The following DNAH14 variants were observed in gnomAD, a reference collection of about 807,000 sequenced individuals.
The protein encoded by DNAH14 is axonemal beta dynein heavy chain 14.
Under a neutral mutation model 520.9 loss-of-function variants are expected in DNAH14, and 478 were observed. The ratio of observed to expected loss-of-function variants is 0.92; its 90% CI spans 0.85 to 0.99. DNAH14 has a LOEUF of 0.99. Among genes scored for constraint, DNAH14 ranks in the 50% least tolerant of loss-of-function variants. The pLI, the probability that DNAH14 is intolerant of heterozygous loss-of-function variation, is 0.00. For synonymous variants in DNAH14, 1,581 were observed against 1,757.2 expected (o/e 0.90, Z 2.51); for missense variants, 4,831 against 5,234.5 (o/e 0.92, Z 2.38).
chr1:224,974,102 C>A lies in DNAH14; in HGVS notation c.779C>A (p.Ala260Glu). The A allele has an allele frequency of 6.7e-7, 1 of 1,501,210 alleles. No individual in the cohort carries two copies. The highest frequency in any genetic ancestry group is 1.3e-5 in the South Asian group (1 of 75,002). The allele number at this position is 1,501,210 out of a possible 1,614,324, so 93.0% of individuals were successfully genotyped here. The change falls in exon 8 of 86, where the codon GCA becomes GAA. Residue 260 changes from alanine to glutamate, a missense_variant. By Grantham distance (107) the Ala-to-Glu change is moderately radical. Transcript: ENST00000682510. ...KIFSDFRMNK[A>E]FVTWKLNVKR... is the part of the protein sequence containing the mutation. ...ATTTTTCCTTTCAGAATGAATAAAG[C>A]ATTTGTTACCTGGAAATTGAATGTT...
chr1:225,133,453 A>G (rs994375342), intron 27 of DNAH14, among the ~76,000 whole-genome samples: 4 of 151,982 alleles, frequency 2.6e-5, no homozygotes, highest in African/African-American at 9.7e-5. Context: ...ATGGCTAGCC[A>G]TTCTCCCAGC....
intron 55 of DNAH14, among the ~76,000 whole-genome samples, chr1:225,298,428 G>T (rs150770181): frequency 6.0e-4 from 92 of 152,312 alleles, no homozygotes; most frequent in African/African-American, 2.2e-3. Context: ...CAAGGGTAGG[G>T]TCACCCTAAA....
chr1:225,027,513 G>A (rs563643065), intron 11 of DNAH14, among the ~76,000 whole-genome samples: 1 of 152,112 alleles, frequency 6.6e-6, no homozygotes, highest in Admixed American at 6.6e-5. Flanking sequence ...TTGGCTCATG[G>A]TTCCACAGTC....
intron 41 of DNAH14, among the ~76,000 whole-genome samples, chr1:225,228,812 C>T (rs1236656361): frequency 6.6e-6 from 1 of 152,064 alleles, no homozygotes; most frequent in Admixed American, 6.5e-5. Flanking sequence ...GGAGATTGGT[C>T]AGGATTGTGG....
intron 37 of DNAH14, among the ~76,000 whole-genome samples, chr1:225,185,946 GT>G (rs11443248): frequency 0.02 from 1,994 of 98,750 alleles, 36 homozygotes; most frequent in East Asian, 0.061. Flanking sequence ...ATTACACTTT[GT>G]TTTTTTTTTT....
chr1:225,277,264 ATG>A (rs2093508456), intron 53 of DNAH14, 144 bp from the exon 54 acceptor site: 2 of 341,042 alleles, frequency 5.9e-6, no homozygotes. Context: ...CTTTCCCTAA[ATG>A]TTAATGATAA....
At position 225,283,065 on chromosome 1, in the gene DNAH14, T is replaced by C. The variant is rs1212048103; in HGVS notation, c.8271+5563T>C. Reference sequence around the variant, plus strand: ...AAATTAGAAGAGAACTAAAAATATATATAATAAAAAAGCCAAGAAAACGAA... The same window carrying C: ...AAATTAGAAGAGAACTAAAAATATACATAATAAAAAAGCCAAGAAAACGAA... On this transcript the variant is annotated intron_variant, in intron 54 of 85. Coordinates refer to ENST00000682510, the MANE Select transcript of DNAH14 (RefSeq NM_001367479.1). Among the ~76,000 whole-genome samples the C allele has an allele frequency of 3.3e-5, 5 of 151,312 alleles. No individual in the cohort carries two copies. The South Asian group carries it at 1.0e-3, about 31-fold the overall frequency.
intron 53 of DNAH14, among the ~76,000 whole-genome samples, chr1:225,276,978 GAA>G (rs1491285884): frequency 0.027 from 1,533 of 57,330 alleles, 55 homozygotes; most frequent in East Asian, 0.071. Flanking sequence ...AGGAAGGAAG[GAA>G]GGAAGGGAGG....
chr1:225,049,465 A>G (rs938177655), intron 15 of DNAH14, among the ~76,000 whole-genome samples: 1 of 152,034 alleles, frequency 6.6e-6, no homozygotes, highest in African/African-American at 2.4e-5. Context: ...TGACTTGCAA[A>G]CAATCTTTGT....
intron 11 of DNAH14, among the ~76,000 whole-genome samples, chr1:225,028,579 G>T (rs1041373988): frequency 4.0e-5 from 6 of 151,148 alleles, no homozygotes; most frequent in Admixed American, 1.3e-4. Context: ...ACCAGCTTTT[G>T]GTTTTATTGA....
chr1:225,159,236 G>T (rs2081317035), intron 34 of DNAH14, 78 bp from the exon 35 acceptor site: 1 of 1,214,516 alleles, frequency 8.2e-7, no homozygotes. Flanking sequence ...CCCTAAAACA[G>T]AATGTTAATG....
intron 75 of DNAH14, among the ~76,000 whole-genome samples, chr1:225,361,301 G>A (rs1436655408): frequency 6.6e-6 from 1 of 152,136 alleles, no homozygotes; most frequent in Non-Finnish European, 1.5e-5. Context: ...CCTTTGCTTA[G>A]TATCTATTCT....
At chr1:225,369,816 T>C (rs2095596945) in intron 77 of DNAH14, among the ~76,000 whole-genome samples, 1 of 152,254 alleles carries the variant, frequency 6.6e-6, no homozygotes, top group South Asian at 2.1e-4. Flanking sequence ...ATAATAAAAA[T>C]TTGACCCCTA....
In DNAH14 at chr1:225,337,265, G is replaced by T; in HGVS notation, c.10081-1G>T. 6.5e-7 allele frequency: 1 copy of T among 1,550,178 alleles called. No homozygotes were observed. The highest frequency in any genetic ancestry group is 2.0e-5 in the Admixed American group (1 of 50,984). On this transcript the variant is annotated splice_acceptor_variant, in intron 66 of 85. Transcript: ENST00000682510. LOFTEE classifies it high-confidence loss of function. ...TGAAAGTACTAATAATTTCATTGCAGATCAGCCGATGGCATAATCAGGGAC... is the reference window on the plus strand; with the variant it reads ...TGAAAGTACTAATAATTTCATTGCATATCAGCCGATGGCATAATCAGGGAC...
intron 45 of DNAH14, 139 bp from the exon 46 acceptor site, chr1:225,258,982 A>G: frequency 1.1e-6 from 1 of 892,666 alleles, no homozygotes; most frequent in Non-Finnish European, 1.6e-6. Flanking sequence ...TCTTAACCAC[A>G]TTTTTTTAAA....
intron 55 of DNAH14, among the ~76,000 whole-genome samples, chr1:225,295,556 G>C (rs1349153209): frequency 6.6e-6 from 1 of 152,032 alleles, no homozygotes. Flanking sequence ...TTACAGTTTT[G>C]AATGTTGCTC....
At chr1:225,348,936 A>G (rs1446013958) in intron 71 of DNAH14, among the ~76,000 whole-genome samples, 3 of 152,212 alleles carry the variant, frequency 2.0e-5, no homozygotes, top group Non-Finnish European at 4.4e-5. Flanking sequence ...TGTGACATCA[A>G]TAACATAAGG....
Position 225,207,225 on chromosome 1 carries a change from G to A in DNAH14, c.6439+5G>A, listed in dbSNP as rs934979082. 2 of 1,504,644 alleles carry A rather than the reference G, an allele frequency of 1.3e-6. No homozygotes were observed. The highest frequency in any genetic ancestry group is 2.8e-5 in the African/African-American group (2 of 70,674). The allele number at this position is 1,504,644 out of a possible 1,614,324, so 93.2% of individuals were successfully genotyped here. A position where few individuals can be genotyped will look rare whatever the true frequency, so the allele number is the denominator to read the frequency against. On this transcript the variant is annotated splice_donor_5th_base_variant and intron_variant, in intron 41 of 85. Transcript: ENST00000682510. ...AAAATGGAGGATTTGAACAAAGTGA[G>A]TTTTTTTCTCTAAGTCATATCAATG... is the stretch of plus-strand genomic sequence containing the variant.
intron 21 of DNAH14, among the ~76,000 whole-genome samples, chr1:225,090,358 C>G (rs1352196338): frequency 6.6e-6 from 1 of 152,122 alleles, no homozygotes; most frequent in African/African-American, 2.4e-5. Flanking sequence ...AGAATCCTAG[C>G]AGACTACTTG....
Sources: allele counts gnomAD v4.1 joint callset (sites outside exome capture counted in the v4.1 genomes callset), GRCh38; gene constraint gnomAD v4.1.1; transcripts MANE v1.5; gene names NCBI Gene and HGNC (gene_info 2026-07-23, HGNC 2026-07-21).